SIK2: variants seen among roughly 807,000 people sequenced by gnomAD.
SIK2 encodes the protein salt inducible kinase 2.
A neutral mutation model predicts 103.2 loss-of-function variants in SIK2; 29 were observed. The observed-to-expected ratio is 0.28, with a 90% CI of 0.21 to 0.38. SIK2 has a LOEUF of 0.38. Among genes scored for constraint, SIK2 ranks in the 10% least tolerant of loss-of-function variants. SIK2 has a pLI of 1.00. For synonymous variants in SIK2, 412 were observed against 446.1 expected, an observed-to-expected ratio of 0.92 and a Z score of 0.96; for missense variants, 879 against 1,171.0, an observed-to-expected ratio of 0.75 and a Z score of 3.64.
At chr11:111,623,928 C>T (rs1208286381) in intron 3 of SIK2, among the ~76,000 whole-genome samples, 1 of 152,178 alleles carries the variant, frequency 6.6e-6, no homozygotes, top group Non-Finnish European at 1.5e-5. Flanking sequence ...TGTGCTGTGG[C>T]GTAGAGATTC....
At chr11:111,704,923 C>T in intron 7 of SIK2, 64 bp from the exon 8 acceptor site, 1 of 1,473,286 alleles carries the variant, frequency 6.8e-7, no homozygotes. Flanking sequence ...TTTTTTTAGG[C>T]ATGTGTAGAT....
chr11:111,702,502 T>C (rs1350474608), intron 6 of SIK2, among the ~76,000 whole-genome samples: 1 of 152,152 alleles, frequency 6.6e-6, no homozygotes, highest in Non-Finnish European at 1.5e-5. Flanking sequence ...GGCAGAAGGA[T>C]TGCTTACAGT....
At chr11:111,610,270 G>A (rs1166830968) in intron 1 of SIK2, among the ~76,000 whole-genome samples, 3 of 152,076 alleles carry the variant, frequency 2.0e-5, no homozygotes, top group African/African-American at 7.2e-5. Context: ...CGGGTGGATT[G>A]CTTGAGGTGA....
intron 3 of SIK2, among the ~76,000 whole-genome samples, chr11:111,638,333 T>C (rs1942137528): frequency 6.6e-6 from 1 of 150,556 alleles, no homozygotes; most frequent in Non-Finnish European, 1.5e-5. Context: ...GGGGTAGAAA[T>C]CAGGGCACTC....
Position 111,639,233 on chromosome 11 carries a change from C to T in SIK2, c.316+18831C>T, listed in dbSNP as rs560685008. Among the ~76,000 whole-genome samples, 13 of 152,288 alleles carry T rather than the reference C, an allele frequency of 8.5e-5. No individual in the cohort carries two copies. In the South Asian group the frequency reaches 1.0e-3, roughly 12 times the overall value. Reference sequence around the variant, plus strand: ...AGAACTTCATCCTAGGCACATATTTCTTAGTATCTAGCAAAGACTTAATAG... The same window carrying T: ...AGAACTTCATCCTAGGCACATATTTTTTAGTATCTAGCAAAGACTTAATAG... On this transcript the variant is annotated intron_variant, in intron 3 of 14. Coordinates refer to ENST00000304987, the MANE Select transcript of SIK2 (RefSeq NM_015191.3).
chr11:111,680,763 C>T (rs893882687), intron 3 of SIK2, among the ~76,000 whole-genome samples: 14 of 152,148 alleles, frequency 9.2e-5, no homozygotes, highest in African/African-American at 3.1e-4. Context: ...TAAGCAGTGA[C>T]GACGATGATG....
intron 3 of SIK2, among the ~76,000 whole-genome samples, chr11:111,635,136 T>G (rs184660757): frequency 2.2e-3 from 336 of 152,130 alleles, no homozygotes; most frequent in Non-Finnish European, 3.4e-3. Flanking sequence ...TTCAGAAAAT[T>G]GTTATTGTTC....
chr11:111,630,686 A>G (rs572360384), intron 3 of SIK2, among the ~76,000 whole-genome samples: 2 of 152,146 alleles, frequency 1.3e-5, no homozygotes, highest in Non-Finnish European at 2.9e-5. Flanking sequence ...GGAAATATGG[A>G]CAGTTTCTTT....
rs1565414532 is a variant in SIK2, at chr11:111,730,619, TTGG to T, written c.*6493_*6495del. The T allele has an allele frequency of 1.3e-5, 2 of 152,032 alleles. No homozygotes were observed. Among genetic ancestry groups the T allele is most frequent in the African/African-American group, 2.4e-5 (1 of 41,378 alleles). The allele number at this position is 152,032 out of a possible 1,614,324, so 9.4% of individuals were successfully genotyped here. A position where few individuals can be genotyped will look rare whatever the true frequency, so the allele number is the denominator to read the frequency against. On this transcript the variant is annotated 3_prime_UTR_variant, in exon 15 of 15. Coordinates refer to ENST00000304987, the MANE Select transcript of SIK2 (RefSeq NM_015191.3). ...TTTTTTTTAATTACTAAGAAAAAAA[TTGG>T]TGAGTTCAGTAGCTTTGGTATTATG...
At position 111,712,216 on chromosome 11, in the gene SIK2, G is replaced by A; in HGVS notation, c.1107G>A (p.Gln369=). 6.2e-7 allele frequency: 1 copy of A among 1,614,186 alleles called. No homozygotes were observed. Among genetic ancestry groups the A allele is most frequent in the East Asian group, 2.2e-5 (1 of 44,890 alleles). The change falls in exon 9 of 15, where the codon CAG becomes CAA. Residue 369 remains glutamine, a synonymous_variant. Coordinates refer to ENST00000304987, the MANE Select transcript of SIK2 (RefSeq NM_015191.3). ...TIAEQTVAKA[Q]TVGLPVTMHS... ...TGTTCTTGCCATATTTACAGGCACA[G>A]ACTGTGGGGCTCCCAGTGACCATGC... is the stretch of plus-strand genomic sequence containing the variant.
intron 10 of SIK2, among the ~76,000 whole-genome samples, 187 bp downstream of exon 10, chr11:111,720,190 T>A (rs998054968): frequency 8.5e-5 from 13 of 152,210 alleles, no homozygotes. Flanking sequence ...TTGAAATGTC[T>A]CTGAGTTGGC....
intron 4 of SIK2, among the ~76,000 whole-genome samples, chr11:111,695,256 C>CCAT (rs1943043836): frequency 6.6e-6 from 1 of 152,136 alleles, no homozygotes; most frequent in Non-Finnish European, 1.5e-5. Flanking sequence ...AACCCTAAAG[C>CCAT]CATCTGCTGC....
intron 4 of SIK2, among the ~76,000 whole-genome samples, chr11:111,691,254 T>G (rs192020134): frequency 6.6e-6 from 1 of 152,296 alleles, no homozygotes; most frequent in East Asian, 1.9e-4. Context: ...CCCTTCTAAT[T>G]ATATAGAAGT....
intron 1 of SIK2, among the ~76,000 whole-genome samples, chr11:111,611,222 C>T (rs1473385524): frequency 6.9e-6 from 1 of 145,362 alleles, no homozygotes; most frequent in African/African-American, 2.6e-5. Context: ...GCACTCCAGC[C>T]CAGGCAACAG....
intron 9 of SIK2, among the ~76,000 whole-genome samples, chr11:111,714,362 A>C (rs1943580732): frequency 6.6e-6 from 1 of 152,236 alleles, no homozygotes; most frequent in Admixed American, 6.5e-5. Context: ...CAGTTGAAAC[A>C]ACTGAAGGAA....
At chr11:111,626,867 T>G (rs1941968083) in intron 3 of SIK2, among the ~76,000 whole-genome samples, 1 of 152,184 alleles carries the variant, frequency 6.6e-6, no homozygotes, top group Non-Finnish European at 1.5e-5. Context: ...GGAAGATTCC[T>G]TATACTGCTC....
intron 3 of SIK2, among the ~76,000 whole-genome samples, chr11:111,638,877 T>TTG (rs1438687327): frequency 6.6e-6 from 1 of 152,186 alleles, no homozygotes; most frequent in African/African-American, 2.4e-5. Context: ...TGTTGTTGTT[T>TTG]TTTTGTTTTG....
rs181914266 is a variant in SIK2, at chr11:111,685,529, G to A, written c.317-2472G>A. Among the ~76,000 whole-genome samples the A allele has an allele frequency of 3.1e-3, 478 of 152,230 alleles. 23 individuals are homozygous for A. The highest frequency in any genetic ancestry group is 0.031 in the Admixed American group (471 of 15,288). On this transcript the variant is annotated intron_variant, in intron 3 of 14. Coordinates refer to ENST00000304987, the MANE Select transcript of SIK2 (RefSeq NM_015191.3). ...GTGAAGAGGGACTTAAGGTCAAGGT[G>A]GCATTTAATTAGAGTTTCGAAAGGA...
At position 111,721,874 on chromosome 11, in the gene SIK2, C is replaced by G. The variant is rs1490846821; in HGVS notation, c.1989C>G (p.Ala663=). 5 of 1,612,956 alleles carry G rather than the reference C, an allele frequency of 3.1e-6. No homozygotes were observed. The Admixed American group carries it at 8.4e-5, about 27-fold the overall frequency. ...AGGAAAGCGTCTCCACTCTCCCTGCCAGCGTGCATCCCCAGCTGTCCCCAC... is the reference window on the plus strand; with the variant it reads ...AGGAAAGCGTCTCCACTCTCCCTGCGAGCGTGCATCCCCAGCTGTCCCCAC... The part of the protein sequence containing the change: ...QQQESVSTLP[A]SVHPQLSPRQ... Residue 663 remains alanine, a synonymous_variant, in exon 13 of 15, where the codon GCC becomes GCG. Coordinates refer to ENST00000304987, the MANE Select transcript of SIK2 (RefSeq NM_015191.3).
Sources: allele counts gnomAD v4.1 joint callset (sites outside exome capture counted in the v4.1 genomes callset), GRCh38; gene constraint gnomAD v4.1.1; transcripts MANE v1.5; gene names NCBI Gene and HGNC (gene_info 2026-07-23, HGNC 2026-07-21).